COL4A6: variants seen among roughly 807,000 people sequenced by gnomAD.
COL4A6 encodes collagen alpha-6(IV) chain.
In COL4A6, 59 loss-of-function variants were observed where a neutral mutation model predicts 126.7. The ratio of observed to expected loss-of-function variants is 0.47; its 90% confidence interval spans 0.38 to 0.58. The LOEUF is 0.58. Among genes scored for constraint, COL4A6 ranks in the 20% least tolerant of loss-of-function variants. The pLI is 0.00. For synonymous variants in COL4A6, 547 were observed against 496.6 expected, an observed-to-expected ratio of 1.10 and a Z score of -1.35; for missense variants, 1,285 against 1,337.3, an observed-to-expected ratio of 0.96 and a Z score of 0.61.
At chrX:108,431,818 G>A (rs1052361368) in intron 2 of COL4A6, among the ~76,000 whole-genome samples, 1 of 111,716 alleles carries the variant, frequency 9.0e-6, no homozygotes, top group Non-Finnish European at 1.9e-5. Flanking sequence ...AACAAACAGA[G>A]AATGCAAATT....
chrX:108,178,830 G>A lies in COL4A6; in HGVS notation c.2369C>T (p.Pro790Leu). ...CTCACCTTTGGGGCCTAGTAAGCCA[G>A]GCTTCCCGTGCACACCTGATAAAAG... ...LPGLKGVHGK[P>L]GLLGPKGERG... Residue 790 changes from proline to leucine, a missense_variant, in exon 27 of 45, where the codon CCT becomes CTT. By Grantham distance (98) the Pro-to-Leu change is moderately conservative (BLOSUM62 -3). Transcript: ENST00000334504. 3 of 1,209,688 alleles carry A rather than the reference G, an allele frequency of 2.5e-6. No individual in the cohort carries two copies. The highest frequency in any genetic ancestry group is 2.2e-6 in the Non-Finnish European group (2 of 894,945).
chrX:108,315,945 G>T (rs909344144), intron 2 of COL4A6, among the ~76,000 whole-genome samples: 2 of 112,163 alleles, frequency 1.8e-5, no homozygotes, highest in East Asian at 5.6e-4. Flanking sequence ...ACAAGTGTTA[G>T]AGATCAGCAT....
intron 2 of COL4A6, among the ~76,000 whole-genome samples, chrX:108,343,159 ATATATAGTGTGTGTGTGTGTGT>A (rs1472603648): frequency 4.4e-5 from 3 of 68,936 alleles, no homozygotes; most frequent in Admixed American, 2.0e-4. Flanking sequence ...ATATATATAT[ATATATAGTGTGTGTGTGTGTGT>A]GTGTGTGTGT....
rs2295919 is a variant in COL4A6 at position 108,205,682 on chromosome X, G to C, written c.623C>G (p.Pro208Arg). ...TACATCAGGACCAAGAGGACCAGGA[G>C]GCCCTGGAGGACCCTAGATTTTTTT... ...GPPGLQGPPG[P>R]PGPLGPDGNM... Residue 208 changes from proline (P) to arginine (R), a missense_variant, in exon 10 of 45, where the codon CCT becomes CGT. By Grantham distance (103) the Pro-to-Arg change is moderately radical. Coordinates refer to ENST00000334504, the MANE Select transcript of COL4A6 (RefSeq NM_033641.4). 139 of 1,204,825 alleles carry C rather than the reference G, an allele frequency of 1.2e-4. No homozygotes were observed. The East Asian group carries it at 4.1e-3, about 35-fold the overall frequency.
In COL4A6 at chrX:108,159,956, T is replaced by A; in HGVS notation, c.4526-208A>T. The A allele has an allele frequency of 8.1e-6, 4 of 493,573 alleles. No individual in the cohort carries two copies. In the Admixed American group the frequency reaches 1.1e-4, roughly 14 times the overall value. The allele number at this position is 493,573 out of a possible 1,213,427, so 40.7% of individuals were successfully genotyped here. On this transcript the variant is annotated intron_variant, in intron 43 of 44. Coordinates refer to ENST00000334504, the MANE Select transcript of COL4A6 (RefSeq NM_033641.4). ...AATTTGATAATAACAAGAATCTTTT[T>A]ATAAGCTGTATAATTCTGCCCTAAT...
rs146123040 is a variant in COL4A6 at position 108,157,124 on chromosome X, C to T, written c.4949G>A (p.Ser1650Asn). ...GTCHYFANKY[S>N]FWLTTVEERQ... ...CTCCTCCACTGTGGTCAACCAGAAA[C>T]TGTACTTGTTTGCAAAGTAGTGGCA... The change falls in exon 45 of 45, where the codon AGT (serine) becomes AAT (asparagine). Residue 1650 changes from serine (S) to asparagine (N), a missense_variant. By Grantham distance (46) the Ser-to-Asn change is conservative. Coordinates refer to ENST00000334504, the MANE Select transcript of COL4A6 (RefSeq NM_033641.4). The T allele has an allele frequency of 2.8e-5, 34 of 1,210,546 alleles. 1 individual carries two copies. In the African/African-American group the frequency reaches 5.9e-4, roughly 21 times the overall value.
chrX:108,210,518 T>C (rs1479300262), intron 7 of COL4A6, among the ~76,000 whole-genome samples: 1 of 112,741 alleles, frequency 8.9e-6, no homozygotes, highest in African/African-American at 3.2e-5. Context: ...ATAACCATCT[T>C]GTGAAAATTG....
intron 42 of COL4A6, among the ~76,000 whole-genome samples, 188 bp downstream of exon 42, chrX:108,161,431 C>A (rs2033931146): frequency 9.0e-6 from 1 of 111,543 alleles, no homozygotes; most frequent in Non-Finnish European, 1.9e-5. Context: ...TAGGGTATCC[C>A]TTCACAGGCT....
chrX:108,334,091 G>T (rs1342358851), intron 2 of COL4A6, among the ~76,000 whole-genome samples: 1 of 111,723 alleles, frequency 9.0e-6, no homozygotes, highest in East Asian at 2.8e-4. Flanking sequence ...AATAGCCAAA[G>T]GAATCCTAAG....
chrX:108,212,595 C>G (rs2035743467), intron 6 of COL4A6, among the ~76,000 whole-genome samples: 1 of 111,514 alleles, frequency 9.0e-6, no homozygotes. Context: ...ATTCCTTCAG[C>G]ACAGGGATTA....
intron 2 of COL4A6, among the ~76,000 whole-genome samples, chrX:108,338,510 T>A (rs1451772321): frequency 8.9e-6 from 1 of 112,340 alleles, no homozygotes; most frequent in African/African-American, 3.2e-5. Context: ...TTAGTATTGC[T>A]TGAAGGTATA....
chrX:108,246,702 C>T (rs964479999), intron 3 of COL4A6, among the ~76,000 whole-genome samples: 4 of 110,879 alleles, frequency 3.6e-5, no homozygotes, highest in African/African-American at 1.3e-4. Flanking sequence ...AACTCTGGCT[C>T]ATGATCTTAG....
intron 2 of COL4A6, among the ~76,000 whole-genome samples, chrX:108,423,976 C>T (rs2064027940): frequency 9.0e-6 from 1 of 111,666 alleles, no homozygotes; most frequent in African/African-American, 3.3e-5. Context: ...TAGCCTGACC[C>T]TGTTCCAACT....
intron 3 of COL4A6, among the ~76,000 whole-genome samples, chrX:108,282,014 G>T (rs1401826496): frequency 9.0e-6 from 1 of 110,820 alleles, no homozygotes; most frequent in Non-Finnish European, 1.9e-5. Flanking sequence ...ATTAAAGACT[G>T]AAACGTTAGA....
intron 31 of COL4A6, among the ~76,000 whole-genome samples, chrX:108,174,141 G>A (rs1418661816): frequency 8.9e-6 from 1 of 112,006 alleles, no homozygotes; most frequent in African/African-American, 3.2e-5. Flanking sequence ...GGGAGCTCAG[G>A]GACTCCTGGA....
At chrX:108,343,021 CT>C (rs1204702913) in intron 2 of COL4A6, among the ~76,000 whole-genome samples, 1 of 106,311 alleles carries the variant, frequency 9.4e-6, no homozygotes, top group Non-Finnish European at 1.9e-5. Context: ...CTAAGCAGTA[CT>C]TTTTTTAATG....
intron 2 of COL4A6, among the ~76,000 whole-genome samples, chrX:108,336,564 A>C (rs1360390976): frequency 7.2e-5 from 8 of 111,010 alleles, no homozygotes; most frequent in Non-Finnish European, 9.5e-5. Context: ...GATAGTGATG[A>C]TGGTTGTACA....
At chrX:108,178,609 T>C in intron 27 of COL4A6, 75 bp downstream of exon 27, 3 of 1,046,434 alleles carry the variant, frequency 2.9e-6, no homozygotes, top group Non-Finnish European at 3.9e-6. Flanking sequence ...CTACTGCTAT[T>C]GCCCCCCCAG....
chrX:108,425,533 G>A (rs2064063284), intron 2 of COL4A6, among the ~76,000 whole-genome samples: 1 of 109,991 alleles, frequency 9.1e-6, no homozygotes, highest in African/African-American at 3.3e-5. Context: ...AGGAGATCGA[G>A]ACCATCCTGG....
Sources: gnomAD v4.1 joint callset for allele counts (sites outside exome capture counted in the v4.1 genomes callset) on GRCh38, gnomAD v4.1.1 for gene constraint, MANE v1.5 for transcripts, NCBI Gene and HGNC (gene_info 2026-07-23, HGNC 2026-07-21) for gene names.